TMCC1: variants seen among roughly 807,000 people sequenced by gnomAD.
The protein encoded by TMCC1 is transmembrane and coiled-coil domains protein 1.
In TMCC1, 15 loss-of-function variants were observed where a neutral mutation model predicts 52.4. The observed-to-expected ratio is 0.29, with a 90% CI of 0.19 to 0.44. The LOEUF (loss-of-function observed/expected upper bound fraction) is 0.44. TMCC1 is among the 20% of genes least tolerant of loss of function. TMCC1 has a pLI of 1.00. For synonymous variants in TMCC1, 279 were observed against 301.9 expected, an observed-to-expected ratio of 0.92 and a Z score of 0.79; for missense variants, 503 against 806.0, an observed-to-expected ratio of 0.62 and a Z score of 4.55.
Position 129,671,277 on chromosome 3 carries a change from C to G in TMCC1, c.577-13G>C, listed in dbSNP as rs754487875. 6.3e-7 allele frequency: 1 copy of G among 1,595,606 alleles called. No homozygotes were observed. Among genetic ancestry groups the G allele is most frequent in the Admixed American group, 1.7e-5 (1 of 57,538 alleles). On this transcript the variant is annotated splice_polypyrimidine_tract_variant and intron_variant, in intron 4 of 6. Transcript: ENST00000393238. Reference sequence around the variant, plus strand: ...CCAACCGTTCGATCTAGTGTAAAAACAAGAGGTACATGTTAGAAGCCCAAG... The same window carrying G: ...CCAACCGTTCGATCTAGTGTAAAAAGAAGAGGTACATGTTAGAAGCCCAAG...
intron 4 of TMCC1, among the ~76,000 whole-genome samples, chr3:129,766,196 T>C (rs1381664594): frequency 6.6e-6 from 1 of 152,224 alleles, no homozygotes; most frequent in Non-Finnish European, 1.5e-5. Context: ...CAAGTCAGAA[T>C]AATTTCTCCC....
intron 4 of TMCC1, among the ~76,000 whole-genome samples, chr3:129,676,996 G>A (rs1054731769): frequency 2.0e-5 from 3 of 152,066 alleles, no homozygotes; most frequent in Non-Finnish European, 4.4e-5. Context: ...AGGTGTGGTG[G>A]CTCATGCCTC....
intron 2 of TMCC1, among the ~76,000 whole-genome samples, chr3:129,835,454 T>A (rs1243683386): frequency 6.6e-6 from 1 of 152,026 alleles, no homozygotes. Flanking sequence ...AGATACTCTG[T>A]TTTAGAATCC....
At chr3:129,718,703 T>C (rs956073102) in intron 4 of TMCC1, among the ~76,000 whole-genome samples, 12 of 152,230 alleles carry the variant, frequency 7.9e-5, no homozygotes, top group African/African-American at 2.7e-4. Context: ...TGTAAATGTA[T>C]TTTCTCTTCC....
intron 4 of TMCC1, among the ~76,000 whole-genome samples, chr3:129,743,231 T>C (rs2051617569): frequency 6.6e-6 from 1 of 152,190 alleles, no homozygotes; most frequent in Non-Finnish European, 1.5e-5. Flanking sequence ...CTCCATGAAA[T>C]ATTTCCACAG....
intron 4 of TMCC1, among the ~76,000 whole-genome samples, chr3:129,709,865 T>C (rs2048534712): frequency 6.6e-6 from 1 of 152,016 alleles, no homozygotes; most frequent in Non-Finnish European, 1.5e-5. Context: ...GCTTTCATGG[T>C]GACCAAAATT....
intron 2 of TMCC1, chr3:129,857,348 C>T (rs1465858559): frequency 6.6e-6 from 1 of 152,248 alleles, no homozygotes; most frequent in African/African-American, 2.4e-5. Context: ...ACCTTAACTA[C>T]AGTCCAGTGA....
At chr3:129,702,129 A>C (rs1318817021) in intron 4 of TMCC1, among the ~76,000 whole-genome samples, 1 of 152,172 alleles carries the variant, frequency 6.6e-6, no homozygotes, top group Non-Finnish European at 1.5e-5. Flanking sequence ...GTTTACCTTT[A>C]ATAAAGTTGG....
At chr3:129,822,653 C>T (rs1004136630) in intron 4 of TMCC1, among the ~76,000 whole-genome samples, 6 of 152,138 alleles carry the variant, frequency 3.9e-5, no homozygotes, top group African/African-American at 1.4e-4. Context: ...GCATGCTCAA[C>T]CAGGTAAAGA....
chr3:129,829,422 C>T (rs900127667), intron 3 of TMCC1, among the ~76,000 whole-genome samples: 4 of 82,778 alleles, frequency 4.8e-5, no homozygotes, highest in Admixed American at 2.1e-4. Context: ...GTAAAATCAA[C>T]GCAACTGCCA....
chr3:129,664,543 G>A (rs1447844679), intron 5 of TMCC1, among the ~76,000 whole-genome samples: 1 of 152,112 alleles, frequency 6.6e-6, no homozygotes, highest in Non-Finnish European at 1.5e-5. Context: ...CTCAGAAGCC[G>A]ATTTCCAATG....
At chr3:129,665,001 G>A (rs1295928522) in intron 5 of TMCC1, among the ~76,000 whole-genome samples, 2 of 152,180 alleles carry the variant, frequency 1.3e-5, no homozygotes, top group South Asian at 2.1e-4. Flanking sequence ...GAACCCAGCT[G>A]CCACTAACAA....
chr3:129,814,905 C>T (rs1158035969), intron 4 of TMCC1, among the ~76,000 whole-genome samples: 1 of 152,066 alleles, frequency 6.6e-6, no homozygotes, highest in Non-Finnish European at 1.5e-5. Flanking sequence ...GTACATGAGG[C>T]AAACATTAGT....
intron 4 of TMCC1, among the ~76,000 whole-genome samples, chr3:129,721,726 A>AT (rs58831728): frequency 2.7e-5 from 4 of 145,662 alleles, no homozygotes; most frequent in Non-Finnish European, 1.5e-5. Flanking sequence ...AAAAAAAAAA[A>AT]TTAGCTGGGC....
At chr3:129,783,544 C>A (rs889457540) in intron 4 of TMCC1, among the ~76,000 whole-genome samples, 2 of 151,132 alleles carry the variant, frequency 1.3e-5, no homozygotes, top group Non-Finnish European at 3.0e-5. Context: ...TATTTTCCAA[C>A]AAGCACCAAA....
At chr3:129,875,580 C>G (rs1453545846) in intron 2 of TMCC1, among the ~76,000 whole-genome samples, 3 of 151,724 alleles carry the variant, frequency 2.0e-5, no homozygotes, top group Non-Finnish European at 4.4e-5. Context: ...AGTCTTGGCC[C>G]CAATCTGTTA....
At chr3:129,688,634 G>A in intron 4 of TMCC1, 1 of 985,458 alleles carries the variant, frequency 1.0e-6, no homozygotes, top group East Asian at 1.1e-4. Context: ...ATATCTGGGA[G>A]CCTAGGAGAA....
At chr3:129,865,512 A>G (rs2107944351) in intron 2 of TMCC1, among the ~76,000 whole-genome samples, 1 of 152,282 alleles carries the variant, frequency 6.6e-6, no homozygotes, top group South Asian at 2.1e-4. Flanking sequence ...ATGGATGGCT[A>G]TCAAAATAGC....
chr3:129,796,390 G>A (rs1030345002), intron 4 of TMCC1, among the ~76,000 whole-genome samples: 1 of 152,162 alleles, frequency 6.6e-6, no homozygotes, highest in African/African-American at 2.4e-5. Flanking sequence ...TAAATGACAC[G>A]TGACTGTATA....
Sources: gnomAD v4.1 joint callset for allele counts (sites outside exome capture counted in the v4.1 genomes callset) on GRCh38, gnomAD v4.1.1 for gene constraint, MANE v1.5 for transcripts, NCBI Gene and HGNC (gene_info 2026-07-23, HGNC 2026-07-21) for gene names.